The following ASPM variants were observed in gnomAD, a reference collection of about 807,000 sequenced individuals.
ASPM encodes the protein assembly factor for spindle microtubules, also known as abnormal spindle-like microcephaly-associated protein.
In ASPM, 256 loss-of-function variants were observed where a neutral mutation model predicts 366.4. The ratio of observed to expected loss-of-function variants is 0.70; its 90% CI spans 0.63 to 0.77. The LOEUF is 0.77. Among genes scored for constraint, ASPM ranks in the 30% least tolerant of loss-of-function variants. The pLI is 0.00. For missense variants in ASPM, 4,146 were observed against 4,090.4 expected (o/e 1.01, Z -0.37); for synonymous variants, 1,414 against 1,342.9 (o/e 1.05, Z -1.16).
chr1:197,108,911 C>T (rs1341114157), intron 17 of ASPM, among the ~76,000 whole-genome samples: 1 of 142,604 alleles, frequency 7.0e-6, no homozygotes, highest in Non-Finnish European at 1.5e-5. Context: ...ATTGAGGCTG[C>T]AGTGAGCTGT....
At chr1:197,133,678 A>T (rs1571623282) in intron 5 of ASPM, 83 bp from the exon 6 acceptor site, 2 of 1,500,284 alleles carry the variant, frequency 1.3e-6, no homozygotes, top group East Asian at 4.6e-5. Context: ...ATGCAATTTC[A>T]GACGGTAAAA....
At chr1:197,093,792 T>C (rs1256449225) in intron 20 of ASPM, among the ~76,000 whole-genome samples, 1 of 151,710 alleles carries the variant, frequency 6.6e-6, no homozygotes, top group Non-Finnish European at 1.5e-5. Flanking sequence ...ACAGAAACCT[T>C]TAATTTATAA....
intron 7 of ASPM, among the ~76,000 whole-genome samples, chr1:197,130,827 G>A (rs1327403714): frequency 6.6e-6 from 1 of 152,160 alleles, no homozygotes; most frequent in Non-Finnish European, 1.5e-5. Flanking sequence ...CTTGTGGGAG[G>A]TTAATACATT....
chr1:197,143,245 G>A lies in ASPM; in HGVS notation c.1007C>T (p.Thr336Ile). The change falls in exon 3 of 28, where the codon ACA (threonine) becomes ATA (isoleucine). Residue 336 changes from threonine to isoleucine, a missense_variant. By Grantham distance (89) the Thr-to-Ile change is moderately conservative. Coordinates refer to ENST00000367409, the MANE Select transcript of ASPM (RefSeq NM_018136.5). ...HGANNELELV[T>I]CLSSDMFMKD... The stretch of plus-strand genomic sequence containing the variant: ...CATAAACATATCTGATGAAAGACAT[G>A]TTACTAATTCTAGTTCATTATTAGC... 1 of 1,612,252 alleles carries A rather than the reference G, an allele frequency of 6.2e-7. No homozygotes were observed. Among genetic ancestry groups the A allele is most frequent in the Non-Finnish European group, 8.5e-7 (1 of 1,178,552 alleles).
intron 17 of ASPM, among the ~76,000 whole-genome samples, chr1:197,109,900 C>G (rs1451187808): frequency 6.6e-6 from 1 of 151,968 alleles, no homozygotes; most frequent in African/African-American, 2.4e-5. Flanking sequence ...AGGTATGAAT[C>G]TAACAAAAAG....
In ASPM at chr1:197,101,825, T is replaced by A. The variant is rs539679809; in HGVS notation, c.7426A>T (p.Lys2476Ter). 6.2e-7 allele frequency: 1 copy of A among 1,612,844 alleles called. No homozygotes were observed. Among genetic ancestry groups the A allele is most frequent in the South Asian group, 1.1e-5 (1 of 91,050 alleles). The change falls in exon 18 of 28, where the codon AAG becomes TAG. Residue 2476 changes from lysine to a stop codon, truncating the protein, a stop_gained. Coordinates refer to ENST00000367409, the MANE Select transcript of ASPM (RefSeq NM_018136.5). LOFTEE classifies it high-confidence loss of function. ...SSYRRLMVKK[K>*]LQEMQRAAVL... ...GCAGCCCTTTGCATTTCTTGTAACT[T>A]CTTCTTTACCATCAGTCTTCTGTAA...
Position 197,102,128 on chromosome 1 carries a change from T to C in ASPM, c.7123A>G (p.Lys2375Glu), listed in dbSNP as rs760715298. ...CTGAGATAATGCTGCCTCTGCAGTTTTGCAGCTCTATTTGCTTGGTATTGC... is the reference window on the plus strand; with the variant it reads ...CTGAGATAATGCTGCCTCTGCAGTTCTGCAGCTCTATTTGCTTGGTATTGC... ...QQQYQANRAA[K>E]LQRQHYLRQR... Residue 2375 changes from lysine to glutamate, a missense_variant, in exon 18 of 28, where the codon AAA becomes GAA. Physicochemically the swap from Lys to Glu is moderately conservative, Grantham distance 56. Transcript: ENST00000367409. The C allele has an allele frequency of 1.2e-6, 2 of 1,612,974 alleles. No homozygotes were observed. Among genetic ancestry groups the C allele is most frequent in the Admixed American group, 1.7e-5 (1 of 59,864 alleles).
In ASPM at chr1:197,084,134, A is replaced by G; in HGVS notation, c.*190T>C. ...TAGACAGGAATAATATAATCATCTT[A>G]TGACATATTAGTTTATTACATGCAT... On this transcript the variant is annotated 3_prime_UTR_variant, in exon 28 of 28. Transcript: ENST00000367409. The G allele has an allele frequency of 1.7e-6, 1 of 586,938 alleles. No individual in the cohort carries two copies. Among genetic ancestry groups the G allele is most frequent in the East Asian group, 2.8e-5 (1 of 35,184 alleles). 36.4% of individuals were successfully genotyped at this position (586,938 alleles called of 1,614,324 possible).
chr1:197,132,280 CT>C lies in ASPM; in HGVS notation c.2487+4del. On this transcript the variant is annotated splice_donor_region_variant and intron_variant, in intron 7 of 27. Transcript: ENST00000367409. ...TTATTTTAGAAACCTGAAATATATG[CT>C]TACCTCTAGACCAATTCGAAGCCAC... 6.3e-7 allele frequency: 1 copy of C among 1,599,280 alleles called. No homozygotes were observed. The highest frequency in any genetic ancestry group is 8.5e-7 in the Non-Finnish European group (1 of 1,171,484).
At position 197,088,108 on chromosome 1, in the gene ASPM, T is replaced by G. The variant is rs1571586666; in HGVS notation, c.10161+148A>C. The G allele has an allele frequency of 6.5e-6, 5 of 763,982 alleles. No homozygotes were observed. In the South Asian group the frequency reaches 8.8e-5, roughly 13 times the overall value. The allele number at this position is 763,982 out of a possible 1,614,324, so 47.3% of individuals were successfully genotyped here. On this transcript the variant is annotated intron_variant, in intron 26 of 27. Transcript: ENST00000367409. ...AAAGAAACAACTCATAGATACATCC[T>G]GAATTCATTTTATCCGTGCAAAAAG... is the stretch of plus-strand genomic sequence containing the variant.
At chr1:197,134,813 G>A (rs2125110176) in intron 5 of ASPM, among the ~76,000 whole-genome samples, 1 of 152,292 alleles carries the variant, frequency 6.6e-6, no homozygotes, top group Non-Finnish European at 1.5e-5. Context: ...TTGAACAGTG[G>A]GGACAATATG....
Position 197,121,855 on chromosome 1 carries a change from A to G in ASPM, c.3870+60T>C, listed in dbSNP as rs186485062. The G allele has an allele frequency of 1.8e-5, 28 of 1,527,920 alleles. No individual in the cohort carries two copies. In the African/African-American group the frequency reaches 3.4e-4, roughly 19 times the overall value. The allele number at this position is 1,527,920 out of a possible 1,614,324, so 94.6% of individuals were successfully genotyped here. A position where few individuals can be genotyped will look rare whatever the true frequency, so the allele number is the denominator to read the frequency against. On this transcript the variant is annotated intron_variant, in intron 16 of 27. Transcript: ENST00000367409. ...AAATGTAAAATCATATCAAAAATCAATCAACAAATACCTTCTAAAGTATAA... is the reference window on the plus strand; with the variant it reads ...AAATGTAAAATCATATCAAAAATCAGTCAACAAATACCTTCTAAAGTATAA...
At chr1:197,086,726 G>A (rs1468748067) in intron 27 of ASPM, 77 bp downstream of exon 27, 20 of 1,231,244 alleles carry the variant, frequency 1.6e-5, no homozygotes, top group East Asian at 2.3e-5. Flanking sequence ...CTTGTTTATG[G>A]TAAGTGCTCA....
chr1:197,095,205 T>C (rs1220904836), intron 19 of ASPM, among the ~76,000 whole-genome samples: 4 of 151,890 alleles, frequency 2.6e-5, no homozygotes, highest in East Asian at 3.9e-4. Context: ...TCTCACTGTA[T>C]TTTTGTACCC....
At chr1:197,092,994 T>C in intron 21 of ASPM, 58 bp downstream of exon 21, 1 of 1,421,932 alleles carries the variant, frequency 7.0e-7, no homozygotes, top group Non-Finnish European at 9.9e-7. Flanking sequence ...CTTAACACTA[T>C]TTAACATCAA....
In ASPM at chr1:197,121,945, A is replaced by G. The variant is rs1264645288; in HGVS notation, c.3840T>C (p.Tyr1280=). The change falls in exon 16 of 28, where the codon TAT becomes TAC. Residue 1280 remains tyrosine (Y), a synonymous_variant. Transcript: ENST00000367409. ...GGCGTTTGAGATCTGTTTTTAGTTT[A>G]TATTTTCTCCATGTTGTTTGTATGA... The part of the protein sequence containing the change: ...ARLIQTTWRK[Y]KLKTDLKRHQ... 6.2e-7 allele frequency: 1 copy of G among 1,611,460 alleles called. No individual in the cohort carries two copies. The highest frequency in any genetic ancestry group is 8.5e-7 in the Non-Finnish European group (1 of 1,177,884).
intron 3 of ASPM, among the ~76,000 whole-genome samples, chr1:197,141,003 T>C (rs1175165436): frequency 6.6e-6 from 1 of 152,074 alleles, no homozygotes; most frequent in Non-Finnish European, 1.5e-5. Flanking sequence ...AAATAACCTA[T>C]TGGAATAGCA....
intron 10 of ASPM, among the ~76,000 whole-genome samples, chr1:197,127,487 A>C (rs1445077136): frequency 6.6e-6 from 1 of 152,190 alleles, no homozygotes; most frequent in Non-Finnish European, 1.5e-5. Context: ...GCTTTAAAGA[A>C]ATCTCTTGCC....
rs754406429 is a variant in ASPM at position 197,124,181 on chromosome 1, C to G, written c.3319G>C (p.Glu1107Gln). Residue 1107 changes from glutamate to glutamine, a missense_variant, in exon 13 of 28, where the codon GAA (glutamate) becomes CAA (glutamine). By Grantham distance (29) the Glu-to-Gln change is conservative. This residue lies in a region of ASPM where 3,624 missense variants were observed against 3,591.7 expected (regional missense o/e 1.01). Coordinates refer to ENST00000367409, the MANE Select transcript of ASPM (RefSeq NM_018136.5). ...AACTTTATGTTTTCACTATATTGTT[C>G]AAAGGAACCACTATCCCTTTTGCCT... ...KKGKRDSGSF[E>Q]QYSENIKLLM... 6.2e-7 allele frequency: 1 copy of G among 1,612,594 alleles called. No individual in the cohort carries two copies. The highest frequency in any genetic ancestry group is 2.2e-5 in the East Asian group (1 of 44,710).
Sources: allele counts gnomAD v4.1 joint callset (sites outside exome capture counted in the v4.1 genomes callset), GRCh38; gene constraint gnomAD v4.1.1; regional missense constraint gnomAD v4.1.1; transcripts MANE v1.5; gene names NCBI Gene and HGNC (gene_info 2026-07-23, HGNC 2026-07-21).